FAH: variants seen among roughly 807,000 people sequenced by gnomAD.
FAH encodes the protein fumarylacetoacetase.
Under a neutral mutation model 55.8 loss-of-function variants are expected in FAH, and 47 were observed. The ratio of observed to expected loss-of-function variants is 0.84; its 90% CI spans 0.67 to 1.07. FAH has a LOEUF of 1.07. Ranked by LOEUF, FAH falls within the 50% of genes least tolerant of loss-of-function variation. The probability of loss-of-function intolerance (pLI) is 0.00; values close to 1 mark genes in which losing one functional copy is unlikely to be tolerated. For missense variants in FAH, 495 were observed against 545.9 expected (o/e 0.91, Z 0.93); for synonymous variants, 199 against 207.7 (o/e 0.96, Z 0.36).
At chr15:80,184,206 C>A (rs1035643866) in intron 13 of FAH, among the ~76,000 whole-genome samples, 5 of 152,196 alleles carry the variant, frequency 3.3e-5, no homozygotes, top group Admixed American at 2.0e-4. Flanking sequence ...CACTCTCCTT[C>A]AGATCTTTGA....
intron 7 of FAH, among the ~76,000 whole-genome samples, chr15:80,170,321 T>C (rs1471467430): frequency 1.3e-5 from 2 of 152,148 alleles, no homozygotes; most frequent in African/African-American, 4.8e-5. Context: ...GAAGAAGCTG[T>C]CATGGGGCCA....
downstream of FAH, chr15:80,186,427 T>C (rs2142112979): frequency 1.6e-6 from 1 of 611,486 alleles, no homozygotes; most frequent in East Asian, 2.8e-5. Context: ...CAGATATTCA[T>C]TAATATGTTT....
At position 80,180,174 on chromosome 15, in the gene FAH, C is replaced by T. The variant is rs1351445340; in HGVS notation, c.1011C>T (p.Gly337=). ...AGCTCACTCACCACTCTGTCAACGG[C>T]TGCAACCTGCGGCCGGGGGACCTCC... ...LQQLTHHSVN[G]CNLRPGDLLA... is the part of the protein sequence containing the mutation. Residue 337 remains glycine, a synonymous_variant, in exon 12 of 14, where the codon GGC becomes GGT. Coordinates refer to ENST00000561421, the MANE Select transcript of FAH (RefSeq NM_000137.4). 1 of 1,610,704 alleles carries T rather than the reference C, an allele frequency of 6.2e-7. No homozygotes were observed. Among genetic ancestry groups the T allele is most frequent in the African/African-American group, 1.3e-5 (1 of 75,048 alleles).
chr15:80,160,060 G>C (rs956827442), intron 3 of FAH, 183 bp downstream of exon 3: 1 of 850,260 alleles, frequency 1.2e-6, no homozygotes, highest in Non-Finnish European at 1.8e-6. Flanking sequence ...GACTGGGATT[G>C]CCTTGGCGCC....
At chr15:80,169,785 G>A (rs375817837) in intron 7 of FAH, among the ~76,000 whole-genome samples, 4 of 152,072 alleles carry the variant, frequency 2.6e-5, no homozygotes, top group African/African-American at 4.8e-5. Context: ...CACCTGCCTC[G>A]GCCTCCCAAA....
At chr15:80,158,788 G>A (rs2041121978) in intron 2 of FAH, among the ~76,000 whole-genome samples, 2 of 152,004 alleles carry the variant, frequency 1.3e-5, no homozygotes, top group Non-Finnish European at 2.9e-5. Context: ...AATTCCTATG[G>A]GGGCCTGAGC....
In FAH at chr15:80,160,621, C is replaced by T. The variant is rs2041140952; in HGVS notation, c.364+162C>T. On this transcript the variant is annotated intron_variant, in intron 4 of 13. Coordinates refer to ENST00000561421, the MANE Select transcript of FAH (RefSeq NM_000137.4). ...TACCCGCTCCTCATCACTGACCTTT[C>T]CCAGCATCCAGGCCCGGCATTCACT... is the stretch of plus-strand genomic sequence containing the variant. The T allele has an allele frequency of 4.1e-6, 3 of 727,726 alleles. No individual in the cohort carries two copies. In the Admixed American group the frequency reaches 6.0e-5, roughly 14 times the overall value. The allele number at this position is 727,726 out of a possible 1,614,324, so 45.1% of individuals were successfully genotyped here.
At chr15:80,171,780 A>G (rs2041242856) in intron 7 of FAH, among the ~76,000 whole-genome samples, 2 of 152,204 alleles carry the variant, frequency 1.3e-5, no homozygotes, top group Admixed American at 1.3e-4. Flanking sequence ...CATGACATGA[A>G]TACAAACCCT....
At chr15:80,169,414 A>G (rs1356416046) in intron 7 of FAH, among the ~76,000 whole-genome samples, 1 of 152,084 alleles carries the variant, frequency 6.6e-6, no homozygotes, top group Non-Finnish European at 1.5e-5. Flanking sequence ...AAACCCAAAA[A>G]TAATAATTAC....
At chr15:80,185,070 A>G (rs2041359452) in intron 13 of FAH, among the ~76,000 whole-genome samples, 2 of 152,160 alleles carry the variant, frequency 1.3e-5, no homozygotes, top group African/African-American at 4.8e-5. Flanking sequence ...AAGGAAACTA[A>G]TATTTATTAG....
chr15:80,161,189 T>C (rs1359003609), intron 4 of FAH, among the ~76,000 whole-genome samples: 2 of 152,054 alleles, frequency 1.3e-5, no homozygotes, highest in Non-Finnish European at 2.9e-5. Context: ...GGGACTGTGC[T>C]ATGTTTTGGC....
chr15:80,153,079 GA>G lies in FAH; in HGVS notation c.26del (p.Asp9ValfsTer24). ...CATGTCCTTCATCCCGGTGGCCGAGGATTCCGACTTCCCCATCCACAACCTG... is the reference window on the plus strand; with the variant it reads ...CATGTCCTTCATCCCGGTGGCCGAGGTTCCGACTTCCCCATCCACAACCTG... MSFIPVAE[D>X]SDFPIHNLPY... On this transcript the variant is annotated frameshift_variant, in exon 1 of 14. Transcript: ENST00000561421. LOFTEE classifies it high-confidence loss of function. The G allele has an allele frequency of 6.2e-7, 1 of 1,613,882 alleles. No homozygotes were observed. Among genetic ancestry groups the G allele is most frequent in the Non-Finnish European group, 8.5e-7 (1 of 1,180,012 alleles).
At chr15:80,185,332 G>C (rs1372069425) in intron 13 of FAH, among the ~76,000 whole-genome samples, 1 of 152,104 alleles carries the variant, frequency 6.6e-6, no homozygotes, top group Non-Finnish European at 1.5e-5. Context: ...CCTGTGCGGT[G>C]GGCACTATCA....
intron 13 of FAH, among the ~76,000 whole-genome samples, chr15:80,181,849 G>T (rs565402692): frequency 5.2e-4 from 48 of 92,134 alleles, no homozygotes; most frequent in Middle Eastern, 6.5e-3. Context: ...AGGTTCAAGC[G>T]ATTCTCCTGT....
intron 5 of FAH, chr15:80,162,795 C>T (rs528605699): frequency 4.2e-6 from 1 of 235,914 alleles, no homozygotes; most frequent in Non-Finnish European, 8.5e-6. Context: ...GTCACAAGGC[C>T]ATGATTGTAA....
downstream of FAH, chr15:80,186,539 G>C (rs2041373152): frequency 2.4e-6 from 1 of 412,738 alleles, no homozygotes; most frequent in African/African-American, 2.0e-5. Context: ...ACTGGCACCT[G>C]TAGTAGTCAG....
At chr15:80,167,389 A>G (rs1010561961) in intron 5 of FAH, 3 of 152,484 alleles carry the variant, frequency 2.0e-5, no homozygotes, top group African/African-American at 7.3e-5. Flanking sequence ...TCCTTTCTAC[A>G]TCTTCTCTTC....
In FAH at chr15:80,153,171, G is replaced by GGGGAGTGGAGT. The variant is rs1555440094; in HGVS notation, c.81+38_81+39insGAGTGGAGTGG. ...GGGCTTTGGCGTCCGGGCGCGGGGAGGGAGTGGAGTGGAGTGGAGTGGAGT... is the reference window on the plus strand; with the variant it reads ...GGGCTTTGGCGTCCGGGCGCGGGGAGGGGAGTGGAGTGGAGTGGAGTGGAGTGGAGTGGAGT... On this transcript the variant is annotated intron_variant, in intron 1 of 13. Transcript: ENST00000561421. 4,751 of 1,250,128 alleles carry GGGGAGTGGAGT rather than the reference G, an allele frequency of 3.8e-3. 217 individuals are homozygous for GGGGAGTGGAGT. In the African/African-American group the frequency reaches 0.057, roughly 15 times the overall value. The allele number at this position is 1,250,128 out of a possible 1,614,324, so 77.4% of individuals were successfully genotyped here.
chr15:80,169,382 CAAAACAA>C (rs573089967), intron 7 of FAH, among the ~76,000 whole-genome samples: 13 of 151,458 alleles, frequency 8.6e-5, no homozygotes, highest in African/African-American at 2.4e-4. Flanking sequence ...GACTCTGTCT[CAAAACAA>C]AAAACAAAAA....
Sources: gnomAD v4.1 joint callset for allele counts (sites outside exome capture counted in the v4.1 genomes callset) on GRCh38, gnomAD v4.1.1 for gene constraint, MANE v1.5 for transcripts, NCBI Gene and HGNC (gene_info 2026-07-23, HGNC 2026-07-21) for gene names.